Variants in DACH2 observed in about 807,000 individuals in gnomAD.
DACH2 encodes the protein dachshund homolog 2.
In DACH2, 17 loss-of-function variants were observed where a neutral mutation model predicts 35.8. The observed-to-expected ratio is 0.48, with a 90% CI of 0.33 to 0.71. The LOEUF (loss-of-function observed/expected upper bound fraction) is 0.71. Ranked by LOEUF, DACH2 falls within the 30% of genes least tolerant of loss-of-function variation. The probability of loss-of-function intolerance (pLI) is 0.02; values close to 1 mark genes in which losing one functional copy is unlikely to be tolerated. For synonymous variants in DACH2, 195 were observed against 177.3 expected (o/e 1.10, Z -0.79); for missense variants, 469 against 472.7 (o/e 0.99, Z 0.07).
chrX:86,714,827 CAGTT>C lies in DACH2; in HGVS notation c.1104+114_1104+117del, dbSNP rs1475133374. On this transcript the variant is annotated intron_variant, in intron 6 of 11. Coordinates refer to ENST00000373125, the MANE Select transcript of DACH2 (RefSeq NM_053281.3). ...TCAGTAGTAACTCAGCTCATTGACT[CAGTT>C]AGTTAGCATACAGTATTGATGGGTT... 7 of 720,757 alleles carry C rather than the reference CAGTT, an allele frequency of 9.7e-6. No individual in the cohort carries two copies. The East Asian group carries it at 1.8e-4, about 18-fold the overall frequency. The allele number at this position is 720,757 out of a possible 1,213,427, so 59.4% of individuals were successfully genotyped here.
chrX:86,796,718 T>G (rs1010248606), intron 7 of DACH2, among the ~76,000 whole-genome samples: 1 of 112,081 alleles, frequency 8.9e-6, no homozygotes, highest in Non-Finnish European at 1.9e-5. Flanking sequence ...ACATCTGCAT[T>G]TAATACTAAT....
intron 1 of DACH2, among the ~76,000 whole-genome samples, chrX:86,365,879 A>G (rs960146128): frequency 1.8e-5 from 2 of 111,731 alleles, no homozygotes; most frequent in African/African-American, 6.5e-5. Context: ...AGAGGCACAC[A>G]CAAATTGCCA....
At chrX:86,446,399 G>C (rs1190869178) in intron 2 of DACH2, among the ~76,000 whole-genome samples, 2 of 69,646 alleles carry the variant, frequency 2.9e-5, no homozygotes, top group Non-Finnish European at 5.2e-5. Context: ...ACCCACTAAC[G>C]TGTCATCTAG....
At chrX:86,574,514 A>G (rs1215377488) in intron 3 of DACH2, among the ~76,000 whole-genome samples, 1 of 111,400 alleles carries the variant, frequency 9.0e-6, no homozygotes, top group African/African-American at 3.3e-5. Flanking sequence ...AGATATACAT[A>G]TTGCCATTTT....
intron 1 of DACH2, among the ~76,000 whole-genome samples, chrX:86,329,250 C>T (rs2035169397): frequency 9.0e-6 from 1 of 110,776 alleles, no homozygotes; most frequent in Non-Finnish European, 1.9e-5. Context: ...AGTCTTTAAG[C>T]TAGGCAGTTA....
intron 5 of DACH2, among the ~76,000 whole-genome samples, chrX:86,695,386 G>T (rs1392165281): frequency 9.1e-6 from 1 of 109,707 alleles, no homozygotes; most frequent in African/African-American, 3.3e-5. Flanking sequence ...TACATATAAG[G>T]GTACATGGGA....
chrX:86,751,069 G>T (rs1404757664), intron 7 of DACH2, among the ~76,000 whole-genome samples: 1 of 111,166 alleles, frequency 9.0e-6, no homozygotes, highest in Non-Finnish European at 1.9e-5. Context: ...GCAACTAAAA[G>T]TGCACAAGGT....
At chrX:86,755,894 G>A (rs1053863399) in intron 7 of DACH2, among the ~76,000 whole-genome samples, 3 of 110,659 alleles carry the variant, frequency 2.7e-5, no homozygotes, top group African/African-American at 9.9e-5. Flanking sequence ...ACCGTGCTCG[G>A]CCGACCTGAT....
intron 1 of DACH2, among the ~76,000 whole-genome samples, chrX:86,271,991 C>T (rs1454215637): frequency 1.8e-5 from 2 of 111,026 alleles, no homozygotes; most frequent in African/African-American, 6.5e-5. Context: ...TGCCCAGCTC[C>T]CCATGCTTCT....
rs756389196 is a variant in DACH2 at position 86,482,966 on chromosome X, A to G, written c.528-31313A>G. 4.2e-5 allele frequency among the ~76,000 whole-genome samples: 4 copies of G among 95,384 alleles called. No individual in the cohort carries two copies. The South Asian group carries it at 2.4e-3, about 58-fold the overall frequency. The allele number at this position is 95,384 out of a possible 115,157, so 82.8% of individuals were successfully genotyped here. On this transcript the variant is annotated intron_variant, in intron 2 of 11. Coordinates refer to ENST00000373125, the MANE Select transcript of DACH2 (RefSeq NM_053281.3). ...GAGATCACATGGACACAGGAAGGGG[A>G]ACATCACACTCTGGGGACTGTTGTG...
At chrX:86,539,402 A>T (rs1356610814) in intron 3 of DACH2, among the ~76,000 whole-genome samples, 2 of 111,816 alleles carry the variant, frequency 1.8e-5, no homozygotes, top group Non-Finnish European at 3.8e-5. Context: ...CAGTGTAAAA[A>T]TAGACTAATA....
intron 7 of DACH2, among the ~76,000 whole-genome samples, chrX:86,774,741 A>G (rs1222357830): frequency 8.9e-6 from 1 of 112,067 alleles, no homozygotes; most frequent in Non-Finnish European, 1.9e-5. Context: ...ATTTCACAAA[A>G]GTTCATTGAG....
chrX:86,507,246 A>G (rs190417313), intron 2 of DACH2, among the ~76,000 whole-genome samples: 26 of 111,313 alleles, frequency 2.3e-4, no homozygotes, highest in East Asian at 2.3e-3. Context: ...TCTGATTGCC[A>G]TTCAAACTTG....
At chrX:86,297,407 G>A (rs5968870) in intron 1 of DACH2, among the ~76,000 whole-genome samples, 17,649 of 111,067 alleles carry the variant, frequency 0.16, 1,382 homozygotes, top group African/African-American at 0.27. Flanking sequence ...TCTGAACACC[G>A]AAGCATATAG....
intron 4 of DACH2, among the ~76,000 whole-genome samples, chrX:86,685,858 C>G (rs1696308046): frequency 9.0e-6 from 1 of 111,356 alleles, no homozygotes; most frequent in African/African-American, 3.3e-5. Context: ...CCCCATGATC[C>G]TAACACCTTC....
chrX:86,197,135 C>T (rs938876505), intron 1 of DACH2, among the ~76,000 whole-genome samples: 5 of 111,723 alleles, frequency 4.5e-5, no homozygotes, highest in African/African-American at 1.6e-4. Flanking sequence ...GAAATTCCAA[C>T]CCAGAATTTC....
chrX:86,474,777 A>C (rs1014256373), intron 2 of DACH2, among the ~76,000 whole-genome samples: 1 of 111,762 alleles, frequency 8.9e-6, no homozygotes, highest in Non-Finnish European at 1.9e-5. Context: ...CTTGTTGCCC[A>C]GGCTGGAGTG....
intron 2 of DACH2, among the ~76,000 whole-genome samples, chrX:86,472,309 A>C (rs750854755): frequency 8.9e-6 from 1 of 111,746 alleles, no homozygotes; most frequent in East Asian, 2.8e-4. Context: ...GCTGGCTTTG[A>C]ACATGGAAGA....
intron 1 of DACH2, among the ~76,000 whole-genome samples, chrX:86,285,676 C>A (rs754054363): frequency 3.3e-4 from 37 of 111,537 alleles, no homozygotes; most frequent in African/African-American, 8.1e-4. Flanking sequence ...CTATTATGTT[C>A]ATTCGGCCTA....
Sources: allele counts gnomAD v4.1 joint callset (sites outside exome capture counted in the v4.1 genomes callset), GRCh38; gene constraint gnomAD v4.1.1; transcripts MANE v1.5; gene names NCBI Gene and HGNC (gene_info 2026-07-23, HGNC 2026-07-21).